Variants in BLTP3B observed in about 807,000 individuals in gnomAD.
The protein encoded by BLTP3B is UHRF1 (ICBP90) binding protein 1-like.
the BLTP3B span, chr12:100,057,574 T>C: frequency 6.2e-7 from 1 of 1,603,776 alleles, no homozygotes; most frequent in South Asian, 1.1e-5. Flanking sequence ...ACTTTACCTT[T>C]TTCCAAAAAC....
chr12:100,116,057 A>AG, the BLTP3B span, among the ~76,000 whole-genome samples: 1 of 151,778 alleles, frequency 6.6e-6, no homozygotes, highest in Non-Finnish European at 1.5e-5. Context: ...CTGCAATCCC[A>AG]GTTACTCAGG....
At chr12:100,048,771 AGTGTGTGTGTGTGTGTGTGT>A in the BLTP3B span, among the ~76,000 whole-genome samples, 14 of 115,024 alleles carry the variant, frequency 1.2e-4, no homozygotes, top group African/African-American at 4.3e-4. Flanking sequence ...AGTGAGAGTG[AGTGTGTGTGTGTGTGTGTGT>A]GTGTGTGTGT....
chr12:100,071,343 A>G, the BLTP3B span, among the ~76,000 whole-genome samples: 1 of 151,928 alleles, frequency 6.6e-6, no homozygotes, highest in Non-Finnish European at 1.5e-5. Context: ...TCAAAAACAC[A>G]AAAATTAGCC....
the BLTP3B span, among the ~76,000 whole-genome samples, chr12:100,119,112 T>A: frequency 6.6e-5 from 10 of 151,630 alleles, no homozygotes; most frequent in Non-Finnish European, 1.5e-4. Flanking sequence ...AAAAATGAAA[T>A]AAAATAAAAA....
At chr12:100,059,621 T>C in the BLTP3B span, 5 of 1,367,286 alleles carry the variant, frequency 3.7e-6, no homozygotes, top group Non-Finnish European at 4.9e-6. Context: ...AGAAATTCTT[T>C]TTCTTGACCT....
chr12:100,099,407 C>G, the BLTP3B span, among the ~76,000 whole-genome samples: 1 of 151,658 alleles, frequency 6.6e-6, no homozygotes, highest in African/African-American at 2.4e-5. Flanking sequence ...GCAGGAGGAT[C>G]TCTTGAACCT....
the BLTP3B span, chr12:100,047,816 A>G: frequency 8.3e-7 from 1 of 1,199,746 alleles, no homozygotes; most frequent in Admixed American, 3.2e-5. Context: ...CATTTACCAA[A>G]AAAGACAAAA....
the BLTP3B span, chr12:100,051,976 G>A: frequency 2.6e-5 from 4 of 152,056 alleles, no homozygotes; most frequent in Non-Finnish European, 5.9e-5. Flanking sequence ...AGCCTGGGAG[G>A]TAGAGACTGC....
At chr12:100,086,363 GAA>G in the BLTP3B span, 4 of 374,944 alleles carry the variant, frequency 1.1e-5, no homozygotes, top group South Asian at 2.2e-5. Flanking sequence ...TTGACTCTGG[GAA>G]AAAAAAAGGG....
At chr12:100,070,170 C>T in the BLTP3B span, 2 of 1,560,342 alleles carry the variant, frequency 1.3e-6, no homozygotes, top group African/African-American at 1.4e-5. Context: ...AGGAAGGCAG[C>T]TGAGAGAAAC....
chr12:100,041,321 C>A, the BLTP3B span, among the ~76,000 whole-genome samples: 4 of 151,720 alleles, frequency 2.6e-5, no homozygotes, highest in Non-Finnish European at 5.9e-5. Context: ...AATAAAAGGT[C>A]ATCATGTATA....
the BLTP3B span, among the ~76,000 whole-genome samples, chr12:100,118,887 C>T: frequency 1.4e-4 from 22 of 152,036 alleles, no homozygotes; most frequent in African/African-American, 5.3e-4. Context: ...CAGATCACAA[C>T]GTCAGGAGTT....
chr12:100,107,289 CAAAAAAAAAAAAAA>C, the BLTP3B span, among the ~76,000 whole-genome samples: 2 of 35,346 alleles, frequency 5.7e-5, no homozygotes, highest in Non-Finnish European at 9.6e-5. Flanking sequence ...CTCCATCTCC[CAAAAAAAAAAAAAA>C]AAAAAAAAAG....
chr12:100,037,125 TAATTA>T, the BLTP3B span: 4 of 890,494 alleles, frequency 4.5e-6, no homozygotes, highest in Admixed American at 6.2e-5. Context: ...CTTTTTACAA[TAATTA>T]AATAATTATA....
At chr12:100,109,857 C>T in the BLTP3B span, among the ~76,000 whole-genome samples, 2 of 152,018 alleles carry the variant, frequency 1.3e-5, no homozygotes, top group Non-Finnish European at 2.9e-5. Context: ...GGCATACATG[C>T]GTGACTATTT....
At chr12:100,124,937 TATATATATATATATATATA>T in the BLTP3B span, among the ~76,000 whole-genome samples, 76 of 3,666 alleles carry the variant, frequency 0.021, 1 homozygote, top group African/African-American at 0.046. Context: ...AAAAAAATTT[TATATATATATATATATATA>T]TATATATATA....
chr12:100,118,642 TAGTA>T, the BLTP3B span, among the ~76,000 whole-genome samples: 2 of 152,196 alleles, frequency 1.3e-5, no homozygotes, highest in Non-Finnish European at 2.9e-5. Context: ...AAAATGCTAA[TAGTA>T]AGAGAGACTA....
the BLTP3B span, among the ~76,000 whole-genome samples, chr12:100,123,967 T>C: frequency 2.6e-5 from 4 of 152,318 alleles, no homozygotes; most frequent in Non-Finnish European, 5.9e-5. Context: ...CAATTTGTTG[T>C]TAACCTTTAA....
At chr12:100,117,533 G>T in the BLTP3B span, among the ~76,000 whole-genome samples, 1 of 152,074 alleles carries the variant, frequency 6.6e-6, no homozygotes, top group African/African-American at 2.4e-5. Flanking sequence ...TGTGATCACA[G>T]CTCACTGCAG....
Sources: gnomAD v4.1 joint callset for allele counts (sites outside exome capture counted in the v4.1 genomes callset) on GRCh38, gnomAD v4.1.1 for gene constraint, MANE v1.5 for transcripts, NCBI Gene and HGNC (gene_info 2026-07-23, HGNC 2026-07-21) for gene names.